AHR: variants seen among roughly 807,000 people sequenced by gnomAD.
AHR encodes the protein AH-receptor.
A neutral mutation model predicts 86.8 loss-of-function variants in AHR; 40 were observed. That is an observed-to-expected ratio of 0.46 (90% CI 0.36 to 0.60). AHR has a LOEUF of 0.60. AHR is among the 20% of genes least tolerant of loss of function. The pLI, the probability that AHR is intolerant of heterozygous loss-of-function variation, is 0.00. For missense variants in AHR, 1,001 were observed against 1,011.6 expected (o/e 0.99, Z 0.14); for synonymous variants, 398 against 354.9 (o/e 1.12, Z -1.37).
At chr7:17,315,453 T>C (rs1393255615) in intron 2 of AHR, among the ~76,000 whole-genome samples, 11 of 152,038 alleles carry the variant, frequency 7.2e-5, no homozygotes, top group Non-Finnish European at 5.9e-5. Context: ...TCCTGTCTCT[T>C]TTAAATTTAC....
intron 1 of AHR, among the ~76,000 whole-genome samples, chr7:17,300,161 C>T (rs1298536269): frequency 6.6e-6 from 1 of 152,018 alleles, no homozygotes; most frequent in Non-Finnish European, 1.5e-5. Flanking sequence ...TTGTCGTTGT[C>T]GGTTGATTTT....
intron 6 of AHR, among the ~76,000 whole-genome samples, chr7:17,332,500 C>T (rs1378066319): frequency 2.0e-5 from 3 of 151,406 alleles, no homozygotes; most frequent in African/African-American, 7.3e-5. Context: ...TGATCCTCAC[C>T]CTGTACAGAC....
At position 17,345,112 on chromosome 7, in the gene AHR, G is replaced by A. The variant is rs1328744880; in HGVS notation, c.*2048G>A. On this transcript the variant is annotated 3_prime_UTR_variant, in exon 11 of 11. Transcript: ENST00000242057. Reference sequence around the variant, plus strand: ...AGGGTGGATCACGAGGTCAAGAGATGGAGACCATCCTGACCAACATGGTGA... The same window carrying A: ...AGGGTGGATCACGAGGTCAAGAGATAGAGACCATCCTGACCAACATGGTGA... 1 of 151,766 alleles carries A rather than the reference G, an allele frequency of 6.6e-6. No homozygotes were observed. The highest frequency in any genetic ancestry group is 1.5e-5 in the Non-Finnish European group (1 of 67,946). The allele number at this position is 151,766 out of a possible 1,614,324, so 9.4% of individuals were successfully genotyped here.
chr7:17,342,406 G>A (rs537105258), intron 10 of AHR, among the ~76,000 whole-genome samples: 2 of 151,986 alleles, frequency 1.3e-5, no homozygotes, highest in African/African-American at 4.8e-5. Context: ...ATAAGAAATC[G>A]GTTAAGAAAA....
At chr7:17,342,384 A>T (rs554808349) in intron 10 of AHR, among the ~76,000 whole-genome samples, 1 of 152,316 alleles carries the variant, frequency 6.6e-6, no homozygotes, top group East Asian at 1.9e-4. Flanking sequence ...ATTAATTAAA[A>T]GTATATTATG....
chr7:17,317,184 C>G (rs564216630), intron 2 of AHR, among the ~76,000 whole-genome samples: 1 of 130,550 alleles, frequency 7.7e-6, no homozygotes, highest in Non-Finnish European at 1.6e-5. Flanking sequence ...AATTGAGAAT[C>G]CCTTTGTTTA....
chr7:17,303,738 TA>T (rs1781977665), intron 1 of AHR, among the ~76,000 whole-genome samples: 1 of 152,090 alleles, frequency 6.6e-6, no homozygotes, highest in African/African-American at 2.4e-5. Flanking sequence ...AATGCAAATT[TA>T]TTTTTTTAGG....
chr7:17,337,932 G>T (rs912134211), intron 9 of AHR, among the ~76,000 whole-genome samples: 1 of 151,490 alleles, frequency 6.6e-6, no homozygotes, highest in Non-Finnish European at 1.5e-5. Context: ...AATACATTAT[G>T]TTACAAATAT....
At chr7:17,316,001 G>A (rs527784264) in intron 2 of AHR, among the ~76,000 whole-genome samples, 2 of 152,046 alleles carry the variant, frequency 1.3e-5, no homozygotes, top group South Asian at 4.1e-4. Flanking sequence ...AAGAGGAAAA[G>A]TACCAAAGAT....
chr7:17,338,109 G>T (rs1782374705), intron 9 of AHR, among the ~76,000 whole-genome samples: 1 of 149,994 alleles, frequency 6.7e-6, no homozygotes, highest in Admixed American at 6.6e-5. Context: ...TGAGGCAGGA[G>T]AATGGCGTGA....
At chr7:17,334,737 T>A (rs1452494627) in intron 7 of AHR, 150 bp from the exon 8 acceptor site, 3 of 573,462 alleles carry the variant, frequency 5.2e-6, no homozygotes, top group Non-Finnish European at 6.1e-6. Context: ...TACATGGATG[T>A]GTTTAATTTC....
rs377061123 is a variant in AHR at position 17,299,263 on chromosome 7, C to T, written c.-2C>T. 6.2e-6 allele frequency: 10 copies of T among 1,611,922 alleles called. No individual in the cohort carries two copies. The African/African-American group carries it at 1.3e-4, about 21-fold the overall frequency. ...AGTAGCCGCCGCCGTCGGCTGGGCA[C>T]CATGAACAGCAGCAGCGCCAACATC... On this transcript the variant is annotated 5_prime_UTR_variant, in exon 1 of 11. Coordinates refer to ENST00000242057, the MANE Select transcript of AHR (RefSeq NM_001621.5).
At position 17,330,878 on chromosome 7, in the gene AHR, G is replaced by T. The variant is rs1336019242; in HGVS notation, c.697G>T (p.Gly233Cys). 6.2e-7 allele frequency: 1 copy of T among 1,611,274 alleles called. No individual in the cohort carries two copies. Among genetic ancestry groups the T allele is most frequent in the Non-Finnish European group, 8.5e-7 (1 of 1,178,302 alleles). ...AAGGTGTCTGCTGGATAATTCATCTGGTTTTCTGGTAAGGTACAAAATTTT... is the reference window on the plus strand; with the variant it reads ...AAGGTGTCTGCTGGATAATTCATCTTGTTTTCTGGTAAGGTACAAAATTTT... ...RLRCLLDNSS[G>C]FLAMNFQGKL... The change falls in exon 6 of 11, where the codon GGT becomes TGT. Residue 233 changes from glycine (G) to cysteine (C), a missense_variant. Coordinates refer to ENST00000242057, the MANE Select transcript of AHR (RefSeq NM_001621.5).
intron 2 of AHR, among the ~76,000 whole-genome samples, chr7:17,311,912 C>T (rs1230101700): frequency 1.3e-5 from 2 of 152,174 alleles, no homozygotes; most frequent in Non-Finnish European, 2.9e-5. Context: ...CATAGGAAAG[C>T]ACTGAGGATT....
rs1782457938 is a variant in AHR at position 17,344,231 on chromosome 7, T to C, written c.*1167T>C. ...TCTTAGAACAGTGGAAACTATGTGT[T>C]TTTCTCATATTTGAGGAGTGTTAAG... On this transcript the variant is annotated 3_prime_UTR_variant, in exon 11 of 11. Transcript: ENST00000242057. 1.3e-5 allele frequency: 2 copies of C among 152,774 alleles called. No individual in the cohort carries two copies. The highest frequency in any genetic ancestry group is 2.4e-5 in the African/African-American group (1 of 41,454). The allele number at this position is 152,774 out of a possible 1,614,324, so 9.5% of individuals were successfully genotyped here. A position where few individuals can be genotyped will look rare whatever the true frequency, so the allele number is the denominator to read the frequency against.
chr7:17,308,953 A>G (rs1782033954), intron 1 of AHR, among the ~76,000 whole-genome samples: 2 of 152,212 alleles, frequency 1.3e-5, no homozygotes, highest in Admixed American at 6.5e-5. Flanking sequence ...AGAAAACGCT[A>G]GATAATTACT....
chr7:17,328,797 G>A (rs1160281027), intron 4 of AHR, among the ~76,000 whole-genome samples: 4 of 151,880 alleles, frequency 2.6e-5, no homozygotes, highest in Non-Finnish European at 4.4e-5. Context: ...TGCAACTTTT[G>A]GAAATTGTGT....
intron 1 of AHR, among the ~76,000 whole-genome samples, chr7:17,299,722 A>G (rs1017428517): frequency 6.6e-6 from 1 of 152,210 alleles, no homozygotes; most frequent in East Asian, 1.9e-4. Context: ...AGGTTAGAGG[A>G]CGGTCTTAAT....
chr7:17,307,308 C>T (rs1431363560), intron 1 of AHR, among the ~76,000 whole-genome samples: 2 of 151,952 alleles, frequency 1.3e-5, no homozygotes, highest in African/African-American at 4.8e-5. Context: ...TACACACTTT[C>T]TATTTCTGTG....
Sources: gnomAD v4.1 joint callset for allele counts (sites outside exome capture counted in the v4.1 genomes callset) on GRCh38, gnomAD v4.1.1 for gene constraint, MANE v1.5 for transcripts, NCBI Gene and HGNC (gene_info 2026-07-23, HGNC 2026-07-21) for gene names.